The following SHISAL2A variants were observed in gnomAD, a reference collection of about 807,000 sequenced individuals.
SHISAL2A encodes the protein shisa like 2A.
Under a neutral mutation model 11.5 loss-of-function variants are expected in SHISAL2A, and 18 were observed. That is an observed-to-expected ratio of 1.57 (90% CI 1.08 to 2.33). SHISAL2A has a LOEUF of 2.33. SHISAL2A is among the 30% of genes most tolerant of loss of function. The probability of loss-of-function intolerance (pLI) is 0.00; values close to 1 mark genes in which losing one functional copy is unlikely to be tolerated. For synonymous variants in SHISAL2A, 94 were observed against 99.6 expected, an observed-to-expected ratio of 0.94 and a Z score of 0.34; for missense variants, 261 against 250.9, an observed-to-expected ratio of 1.04 and a Z score of -0.27.
intron 2 of SHISAL2A, among the ~76,000 whole-genome samples, chr1:52,644,299 T>C (rs1370157332): frequency 1.3e-5 from 2 of 151,804 alleles, no homozygotes; most frequent in African/African-American, 4.8e-5. Context: ...TGTCCCAGCA[T>C]AGGGTAAGTA....
intron 2 of SHISAL2A, among the ~76,000 whole-genome samples, chr1:52,655,053 G>T (rs1225777272): frequency 7.2e-5 from 11 of 152,068 alleles, no homozygotes; most frequent in Non-Finnish European, 1.0e-4. Context: ...AGGTCTTGTG[G>T]CACAAGCCTG....
chr1:52,644,224 A>G (rs1221964633), intron 2 of SHISAL2A, among the ~76,000 whole-genome samples: 1 of 150,992 alleles, frequency 6.6e-6, no homozygotes, highest in Non-Finnish European at 1.5e-5. Flanking sequence ...CAAACAGGGA[A>G]GGATACTTGA....
intron 4 of SHISAL2A, among the ~76,000 whole-genome samples, chr1:52,663,002 G>C (rs897088130): frequency 1.3e-5 from 2 of 152,196 alleles, no homozygotes; most frequent in African/African-American, 4.8e-5. Flanking sequence ...GGGAAGTAGG[G>C]AGCTTCATTG....
intron 4 of SHISAL2A, among the ~76,000 whole-genome samples, chr1:52,665,770 G>C (rs1275459979): frequency 1.3e-5 from 2 of 152,058 alleles, no homozygotes; most frequent in Non-Finnish European, 2.9e-5. Flanking sequence ...AGATCACATG[G>C]AAGCTGCAGA....
intron 1 of SHISAL2A, among the ~76,000 whole-genome samples, chr1:52,642,639 G>A (rs1293800063): frequency 2.6e-5 from 4 of 152,086 alleles, no homozygotes; most frequent in African/African-American, 4.8e-5. Flanking sequence ...TGACCAGGCC[G>A]GTCTTGAATC....
At position 52,644,834 on chromosome 1, in the gene SHISAL2A, G is replaced by A. The variant is rs184261126; in HGVS notation, c.322+1832G>A. 7.3e-3 allele frequency among the ~76,000 whole-genome samples: 1,102 copies of A among 151,730 alleles called. 5 individuals carry two copies. Among genetic ancestry groups the A allele is most frequent in the South Asian group, 0.014 (68 of 4,816 alleles). The stretch of plus-strand genomic sequence containing the variant: ...AGATCGAGACCATCCTGGCTAATGC[G>A]GTGAAAACATGTCTCTACTAAAAAT... On this transcript the variant is annotated intron_variant, in intron 2 of 2. Transcript: ENST00000517870.
intron 2 of SHISAL2A, among the ~76,000 whole-genome samples, chr1:52,646,492 T>TACAC (rs35929137): frequency 0.25 from 37,001 of 145,150 alleles, 4,682 homozygotes; most frequent in Middle Eastern, 0.33. Context: ...TAAATATCTA[T>TACAC]ACACACACAC....
intron 2 of SHISAL2A, among the ~76,000 whole-genome samples, chr1:52,645,396 C>CGTTTTGTTTTGTTTTGTTTTGTTTTTT: frequency 6.7e-6 from 1 of 150,288 alleles, no homozygotes; most frequent in East Asian, 2.0e-4. Context: ...GAGGCTTCAA[C>CGTTTTGTTTTGTTTTGTTTTGTTTTTT]GTTTTGTTTT....
chr1:52,657,878 A>G (rs1691825422), downstream of SHISAL2A, among the ~76,000 whole-genome samples: 1 of 152,096 alleles, frequency 6.6e-6, no homozygotes, highest in South Asian at 2.1e-4. Flanking sequence ...GAATGAATGA[A>G]TGGTTATCAG....
At chr1:52,668,976 C>T (rs999716752) in exon 6 of SHISAL2A, 5 of 152,178 alleles carry the variant, frequency 3.3e-5, no homozygotes, top group Non-Finnish European at 5.9e-5. Context: ...GCCCCTGAAC[C>T]GGGCTCTGAA....
At chr1:52,656,642 T>C in intron 2 of SHISAL2A, 148 bp from the exon 3 acceptor site, 1 of 829,776 alleles carries the variant, frequency 1.2e-6, no homozygotes, top group East Asian at 2.5e-5. Context: ...ATGTGGTGTA[T>C]TGTTAATAAA....
intron 2 of SHISAL2A, among the ~76,000 whole-genome samples, chr1:52,648,815 G>C (rs890750923): frequency 1.3e-5 from 2 of 152,156 alleles, no homozygotes; most frequent in South Asian, 4.2e-4. Flanking sequence ...CTTGTGCTCT[G>C]TGCTCCTAGT....
At chr1:52,667,446 G>C in exon 5 of SHISAL2A, 2 of 966,170 alleles carry the variant, frequency 2.1e-6, no homozygotes, top group Non-Finnish European at 2.5e-6. Context: ...TTCGTTCAAA[G>C]AGATTGACTG....
chr1:52,662,110 C>T (rs564282456), intron 4 of SHISAL2A, among the ~76,000 whole-genome samples: 1 of 152,112 alleles, frequency 6.6e-6, no homozygotes, highest in Admixed American at 6.5e-5. Context: ...TAGGTTTGAC[C>T]CGTGAAACCC....
intron 2 of SHISAL2A, among the ~76,000 whole-genome samples, chr1:52,645,396 C>CGTTTCGTTTTGTTTTGTTTTGTTTT (rs1553252100): frequency 4.0e-5 from 6 of 150,178 alleles, no homozygotes; most frequent in Non-Finnish European, 7.4e-5. Flanking sequence ...GAGGCTTCAA[C>CGTTTCGTTTTGTTTTGTTTTGTTTT]GTTTTGTTTT....
intron 2 of SHISAL2A, among the ~76,000 whole-genome samples, chr1:52,651,079 A>G (rs1183347499): frequency 6.6e-6 from 1 of 151,940 alleles, no homozygotes; most frequent in Non-Finnish European, 1.5e-5. Flanking sequence ...GATGATCTAT[A>G]TTAACTTTCA....
rs4087491 is a variant in SHISAL2A, at chr1:52,654,258, T to C, written c.323-2532T>C. Among the ~76,000 whole-genome samples the C allele has an allele frequency of 3.3e-3, 492 of 151,136 alleles. 1 individual carries two copies. Among genetic ancestry groups the C allele is most frequent in the African/African-American group, 0.011 (467 of 40,956 alleles). ...ATAGATAGATAGATAGATAGATAGA[T>C]AGACAGATAGATAGATAGATAGATA... On this transcript the variant is annotated intron_variant, in intron 2 of 2. Transcript: ENST00000517870.
chr1:52,633,767 A>G lies in SHISAL2A; in HGVS notation c.182+92A>G, dbSNP rs1460670553. 1 of 1,051,880 alleles carries G rather than the reference A, an allele frequency of 9.5e-7. No individual in the cohort carries two copies. The highest frequency in any genetic ancestry group is 1.4e-6 in the Non-Finnish European group (1 of 703,406). The allele number at this position is 1,051,880 out of a possible 1,614,324, so 65.2% of individuals were successfully genotyped here. A position where few individuals can be genotyped will look rare whatever the true frequency, so the allele number is the denominator to read the frequency against. On this transcript the variant is annotated intron_variant, in intron 1 of 2. Transcript: ENST00000517870. The surrounding 1 kb of genome is among the most constrained non-coding windows in gnomAD (Gnocchi z 6.4). ...AGCCCCCACCCGAGTGTCCACCTGA[A>G]CATCAGCAGCAAGCTCTAGTCCTTA...
intron 2 of SHISAL2A, among the ~76,000 whole-genome samples, chr1:52,643,409 C>A (rs550279773): frequency 8.0e-4 from 122 of 152,232 alleles, no homozygotes; most frequent in African/African-American, 2.8e-3. Context: ...TGTGTGTATG[C>A]GTTTTTTTAA....
Sources: allele counts gnomAD v4.1 joint callset (sites outside exome capture counted in the v4.1 genomes callset), GRCh38; gene constraint gnomAD v4.1.1; non-coding constraint Gnocchi (gnomAD v3.1); transcripts MANE v1.5; gene names NCBI Gene and HGNC (gene_info 2026-07-23, HGNC 2026-07-21).